The following TMEM108 variants were observed in gnomAD, a reference collection of about 807,000 sequenced individuals.
TMEM108 encodes the protein cancer/testis antigen 124.
TMEM108 carries 12 observed loss-of-function variants against 35.1 expected under a neutral mutation model. The ratio of observed to expected loss-of-function variants is 0.34; its 90% CI spans 0.22 to 0.55. The LOEUF (loss-of-function observed/expected upper bound fraction) is 0.55, where lower values mean the gene tolerates loss of function less well. Among genes scored for constraint, TMEM108 ranks in the 20% least tolerant of loss-of-function variants. The probability of loss-of-function intolerance (pLI) is 0.89; values close to 1 mark genes in which losing one functional copy is unlikely to be tolerated. For missense variants in TMEM108, 680 were observed against 753.3 expected, an observed-to-expected ratio of 0.90 and a Z score of 1.14; for synonymous variants, 287 against 308.6, an observed-to-expected ratio of 0.93 and a Z score of 0.73.
At chr3:133,082,853 T>C (rs1473819407) in intron 2 of TMEM108, among the ~76,000 whole-genome samples, 2 of 152,050 alleles carry the variant, frequency 1.3e-5, no homozygotes, top group Admixed American at 1.3e-4. Flanking sequence ...AAGGTCTCCC[T>C]CTATCGTCCA....
chr3:133,127,339 T>C (rs1375718065), intron 2 of TMEM108, among the ~76,000 whole-genome samples: 1 of 152,234 alleles, frequency 6.6e-6, no homozygotes, highest in Non-Finnish European at 1.5e-5. Context: ...GTGGAGTGGC[T>C]GCCATGTTGG....
intron 3 of TMEM108, among the ~76,000 whole-genome samples, chr3:133,367,066 A>G (rs1053245263): frequency 2.0e-5 from 3 of 152,206 alleles, no homozygotes; most frequent in Admixed American, 6.5e-5. Context: ...ATTTAACCCA[A>G]AACAAAGGGC....
chr3:133,183,369 G>C (rs985310228), intron 2 of TMEM108, among the ~76,000 whole-genome samples: 3 of 151,894 alleles, frequency 2.0e-5, no homozygotes, highest in Non-Finnish European at 4.4e-5. Context: ...GTACTCCAGC[G>C]TAGGAGATGG....
intron 3 of TMEM108, among the ~76,000 whole-genome samples, chr3:133,328,624 G>T (rs1260595176): frequency 6.6e-6 from 1 of 152,154 alleles, no homozygotes; most frequent in Non-Finnish European, 1.5e-5. Flanking sequence ...AATGTTATCA[G>T]GCATTTCCAG....
chr3:133,287,451 C>A (rs1277684665), intron 3 of TMEM108, among the ~76,000 whole-genome samples: 3 of 152,142 alleles, frequency 2.0e-5, no homozygotes, highest in Non-Finnish European at 4.4e-5. Context: ...TTTATTGAAT[C>A]CCAACCCTCT....
At chr3:133,098,387 T>C (rs146230015) in intron 2 of TMEM108, among the ~76,000 whole-genome samples, 2 of 152,272 alleles carry the variant, frequency 1.3e-5, no homozygotes, top group African/African-American at 4.8e-5. Flanking sequence ...GGAGACAAAA[T>C]TCAAGTTCAG....
At chr3:133,324,635 A>G (rs1395518875) in intron 3 of TMEM108, among the ~76,000 whole-genome samples, 4 of 152,238 alleles carry the variant, frequency 2.6e-5, no homozygotes, top group African/African-American at 9.6e-5. Flanking sequence ...CTAAAAGTAG[A>G]GCTACCATTT....
At position 133,381,098 on chromosome 3, in the gene TMEM108, T is replaced by G. The variant is rs1297217914; in HGVS notation, c.1387T>G (p.Cys463Gly). ...GDKPQHRATI[C>G]LSKMDIAWVI... ...CAAACCGCAGCACAGAGCCACCATC[T>G]GCCTGAGCAAGATGGATATCGCCTG... is the stretch of plus-strand genomic sequence containing the variant. The change falls in exon 4 of 6, where the codon TGC becomes GGC. Residue 463 changes from cysteine (C) to glycine (G), a missense_variant. Cys to Gly is a radical substitution (Grantham distance 159). Around this residue, in one of 3 missense-constraint regions of TMEM108, gnomAD observed 105 missense variants for 150.7 expected, o/e 0.70. Coordinates refer to ENST00000321871, the MANE Select transcript of TMEM108 (RefSeq NM_023943.4). The G allele has an allele frequency of 1.2e-6, 2 of 1,613,824 alleles. No individual in the cohort carries two copies. The highest frequency in any genetic ancestry group is 2.7e-5 in the African/African-American group (2 of 74,936).
At chr3:133,112,402 C>T (rs1944236668) in intron 2 of TMEM108, among the ~76,000 whole-genome samples, 1 of 152,116 alleles carries the variant, frequency 6.6e-6, no homozygotes, top group South Asian at 2.1e-4. Flanking sequence ...GTCAGCAAAA[C>T]ATAATGAAGA....
At chr3:133,212,890 AAAAG>A (rs1002445769) in intron 2 of TMEM108, among the ~76,000 whole-genome samples, 5 of 151,298 alleles carry the variant, frequency 3.3e-5, no homozygotes, top group Non-Finnish European at 4.4e-5. Flanking sequence ...AGGAAAAAAA[AAAAG>A]AAAGAAAGAA....
chr3:133,365,938 C>G (rs1201309756), intron 3 of TMEM108, among the ~76,000 whole-genome samples: 1 of 151,280 alleles, frequency 6.6e-6, no homozygotes, highest in Non-Finnish European at 1.5e-5. Context: ...TTGCAGCTGG[C>G]AGAGTCTGCA....
intron 2 of TMEM108, among the ~76,000 whole-genome samples, chr3:133,046,821 A>G (rs1943345163): frequency 6.7e-6 from 1 of 148,622 alleles, no homozygotes. Context: ...AATATAAGAA[A>G]AGCTGAGGAT....
chr3:133,079,934 T>C (rs188217520), intron 2 of TMEM108, among the ~76,000 whole-genome samples: 44 of 152,276 alleles, frequency 2.9e-4, no homozygotes, highest in Non-Finnish European at 2.8e-4. Context: ...GCTTTCTCTA[T>C]ATAGCCAGAG....
At chr3:133,287,785 C>G (rs1034496107) in intron 3 of TMEM108, among the ~76,000 whole-genome samples, 3 of 152,090 alleles carry the variant, frequency 2.0e-5, no homozygotes, top group African/African-American at 7.2e-5. Flanking sequence ...AGATTGGTTA[C>G]CAAACACTCT....
At chr3:133,172,450 A>G (rs916562706) in intron 2 of TMEM108, among the ~76,000 whole-genome samples, 50 of 152,266 alleles carry the variant, frequency 3.3e-4, no homozygotes, top group African/African-American at 1.1e-3. Flanking sequence ...TTTGGCTAAT[A>G]AAGGAAATAA....
intron 3 of TMEM108, among the ~76,000 whole-genome samples, chr3:133,310,391 T>C (rs986353972): frequency 6.6e-6 from 1 of 152,206 alleles, no homozygotes; most frequent in Non-Finnish European, 1.5e-5. Context: ...TGCTCCTGTA[T>C]TGGGTGCATA....
At chr3:133,105,892 A>G (rs947645929) in intron 2 of TMEM108, among the ~76,000 whole-genome samples, 1 of 152,124 alleles carries the variant, frequency 6.6e-6, no homozygotes, top group Non-Finnish European at 1.5e-5. Flanking sequence ...TGTGTACCCC[A>G]TGGGCAGTGG....
intron 2 of TMEM108, among the ~76,000 whole-genome samples, chr3:133,160,189 C>G (rs1944941420): frequency 6.6e-6 from 1 of 152,222 alleles, no homozygotes; most frequent in Admixed American, 6.5e-5. Flanking sequence ...TTGTGGGTCA[C>G]TCAGCCTCAG....
intron 3 of TMEM108, among the ~76,000 whole-genome samples, chr3:133,274,042 A>C (rs1437685058): frequency 6.6e-6 from 1 of 152,194 alleles, no homozygotes; most frequent in Non-Finnish European, 1.5e-5. Flanking sequence ...CAAAATTCAC[A>C]CCCAGTCCTA....
Sources: allele counts gnomAD v4.1 joint callset (sites outside exome capture counted in the v4.1 genomes callset), GRCh38; gene constraint gnomAD v4.1.1; regional missense constraint gnomAD v4.1.1; transcripts MANE v1.5; gene names NCBI Gene and HGNC (gene_info 2026-07-23, HGNC 2026-07-21).